CELF2: variants seen among roughly 807,000 people sequenced by gnomAD.
CELF2 encodes CUGBP Elav-like family member 2.
Under a neutral mutation model 62.6 loss-of-function variants are expected in CELF2, and 8 were observed. That is an observed-to-expected ratio of 0.13 (90% CI 0.07 to 0.23). CELF2 has a LOEUF of 0.23. Ranked by LOEUF, CELF2 falls within the 10% of genes least tolerant of loss-of-function variation. CELF2 has a pLI of 1.00. For synonymous variants in CELF2, 258 were observed against 250.0 expected (o/e 1.03, Z -0.30); for missense variants, 333 against 671.0 (o/e 0.50, Z 5.56).
At chr10:11,320,884 C>T (rs1376873624) in intron 10 of CELF2, 6 of 1,545,620 alleles carry the variant, frequency 3.9e-6, no homozygotes, top group Admixed American at 3.9e-5. Context: ...CTTTTACTTC[C>T]AAAAGATAAC....
At chr10:10,579,052 TTAG>T in the CELF2 span, among the ~76,000 whole-genome samples, 1 of 152,152 alleles carries the variant, frequency 6.6e-6, no homozygotes, top group Non-Finnish European at 1.5e-5. Flanking sequence ...CTGTTTTTGT[TTAG>T]TAACAAAACA....
intron 1 of CELF2, among the ~76,000 whole-genome samples, chr10:11,057,749 C>G (rs755659792): frequency 6.6e-6 from 1 of 152,134 alleles, no homozygotes; most frequent in Non-Finnish European, 1.5e-5. Context: ...ACAGGAGTCA[C>G]AAAATGTTTT....
chr10:11,128,996 A>C (rs967279096), intron 1 of CELF2, among the ~76,000 whole-genome samples: 3 of 152,174 alleles, frequency 2.0e-5, no homozygotes, highest in African/African-American at 7.2e-5. Context: ...CCCATTCAGT[A>C]TGATATTGGC....
chr10:11,127,672 T>C (rs1331400391), intron 1 of CELF2, among the ~76,000 whole-genome samples: 1 of 152,252 alleles, frequency 6.6e-6, no homozygotes, highest in Non-Finnish European at 1.5e-5. Context: ...TCATGTGTCT[T>C]TTGGCTGCAT....
chr10:11,213,521 A>G (rs901516065), intron 2 of CELF2, among the ~76,000 whole-genome samples: 11 of 152,242 alleles, frequency 7.2e-5, no homozygotes, highest in African/African-American at 2.7e-4. Flanking sequence ...ACCTTTTGCC[A>G]TAATAATTGT....
chr10:10,584,217 T>A, the CELF2 span, among the ~76,000 whole-genome samples: 2 of 152,266 alleles, frequency 1.3e-5, no homozygotes, highest in Admixed American at 1.3e-4. Flanking sequence ...TAAAGGAGCT[T>A]AATTGAGCAA....
the CELF2 span, among the ~76,000 whole-genome samples, chr10:10,764,803 G>A: frequency 1.3e-5 from 2 of 152,114 alleles, no homozygotes; most frequent in African/African-American, 4.8e-5. Flanking sequence ...CTAGGCTCTT[G>A]TACCCCACCT....
chr10:10,766,734 G>C, the CELF2 span, among the ~76,000 whole-genome samples: 4 of 152,226 alleles, frequency 2.6e-5, no homozygotes, highest in Non-Finnish European at 5.9e-5. Flanking sequence ...GCCCAAAGCA[G>C]AGGCTGACTG....
chr10:10,520,586 G>A, the CELF2 span, among the ~76,000 whole-genome samples: 5 of 152,138 alleles, frequency 3.3e-5, no homozygotes, highest in East Asian at 3.8e-4. Flanking sequence ...ATGAGGGCAC[G>A]CTGCTGAAGG....
At chr10:10,696,604 C>G in the CELF2 span, among the ~76,000 whole-genome samples, 2 of 152,052 alleles carry the variant, frequency 1.3e-5, no homozygotes, top group African/African-American at 2.4e-5. Flanking sequence ...CCCCCAGCCT[C>G]GCTGCGGCCT....
At chr10:10,745,840 A>C in the CELF2 span, among the ~76,000 whole-genome samples, 1 of 152,244 alleles carries the variant, frequency 6.6e-6, no homozygotes. Flanking sequence ...GTACTTGAGC[A>C]GGGATGATAA....
At chr10:10,736,697 C>T in the CELF2 span, among the ~76,000 whole-genome samples, 1 of 151,806 alleles carries the variant, frequency 6.6e-6, no homozygotes, top group African/African-American at 2.4e-5. Flanking sequence ...AATGTCAGAG[C>T]TAATGTTTTT....
At chr10:10,741,492 C>CAAAAA in the CELF2 span, among the ~76,000 whole-genome samples, 59 of 57,300 alleles carry the variant, frequency 1.0e-3, 1 homozygote, top group Non-Finnish European at 1.4e-3. Flanking sequence ...GACTCCGTCT[C>CAAAAA]AAAAAAAAAA....
chr10:10,501,911 T>C, the CELF2 span, among the ~76,000 whole-genome samples: 1 of 152,174 alleles, frequency 6.6e-6, no homozygotes, highest in African/African-American at 2.4e-5. Flanking sequence ...AGGTTTTCTT[T>C]AATGCTTTTT....
At chr10:11,152,688 C>A in intron 1 of CELF2, among the ~76,000 whole-genome samples, 1 of 152,234 alleles carries the variant, frequency 6.6e-6, no homozygotes, top group East Asian at 1.9e-4. Flanking sequence ...TCTGTAGCAT[C>A]TTTCCTTGAA....
intron 1 of CELF2, among the ~76,000 whole-genome samples, chr10:10,887,728 CTT>C (rs1226568410): frequency 6.6e-6 from 1 of 151,542 alleles, no homozygotes; most frequent in African/African-American, 2.4e-5. Context: ...GTCTGGGAAA[CTT>C]TTCAGAGGAA....
At chr10:10,778,072 C>T in the CELF2 span, among the ~76,000 whole-genome samples, 2,565 of 152,228 alleles carry the variant, frequency 0.017, 91 homozygotes, top group African/African-American at 0.058. Flanking sequence ...GAGATGGGGG[C>T]CCTGCACCCC....
intron 1 of CELF2, among the ~76,000 whole-genome samples, chr10:11,009,204 C>T (rs866145974): frequency 5.3e-5 from 8 of 151,986 alleles, no homozygotes; most frequent in South Asian, 4.2e-4. Context: ...AGGGACAGGA[C>T]GTGGGAGGTT....
the CELF2 span, among the ~76,000 whole-genome samples, chr10:10,674,361 G>A: frequency 6.6e-6 from 1 of 152,142 alleles, no homozygotes; most frequent in Non-Finnish European, 1.5e-5. Context: ...ATTAGTGTTA[G>A]CATGGTATAT....
Sources: allele counts gnomAD v4.1 joint callset (sites outside exome capture counted in the v4.1 genomes callset), GRCh38; gene constraint gnomAD v4.1.1; transcripts MANE v1.5; gene names NCBI Gene and HGNC (gene_info 2026-07-23, HGNC 2026-07-21).